The following NRDC variants were observed in gnomAD, a reference collection of about 807,000 sequenced individuals.
The protein encoded by NRDC is nardilysin convertase.
Under a neutral mutation model 147.1 loss-of-function variants are expected in NRDC, and 54 were observed. The observed-to-expected ratio is 0.37, with a 90% CI of 0.29 to 0.46. The LOEUF is 0.46. Ranked by LOEUF, NRDC falls within the 20% of genes least tolerant of loss-of-function variation. The pLI is 1.00. For synonymous variants in NRDC, 440 were observed against 482.1 expected (o/e 0.91, Z 1.14); for missense variants, 1,082 against 1,370.6 (o/e 0.79, Z 3.33).
At position 51,814,599 on chromosome 1, in the gene NRDC, G is replaced by T. The variant is rs1458184917; in HGVS notation, c.1571C>A (p.Thr524Asn). 2 of 1,613,140 alleles carry T rather than the reference G, an allele frequency of 1.2e-6. No individual in the cohort carries two copies. The highest frequency in any genetic ancestry group is 2.2e-5 in the East Asian group (1 of 44,856). Residue 524 changes from threonine (T) to asparagine (N), a missense_variant, in exon 13 of 31, where the codon ACT (threonine) becomes AAT (asparagine). Coordinates refer to ENST00000352171, the MANE Select transcript of NRDC (RefSeq NM_001101662.2). ...GYEHFYEVAY[T>N]VFQYLKMLQK... ...CAGCATTTTTAAATACTGAAAGACA[G>T]TGTAAGCAACCTGAAAACAAAACAT...
chr1:51,865,177 A>T (rs1173516527), intron 1 of NRDC, among the ~76,000 whole-genome samples: 1 of 152,158 alleles, frequency 6.6e-6, no homozygotes, highest in African/African-American at 2.4e-5. Flanking sequence ...TCAAATTTAT[A>T]AAAAGAAAAA....
At chr1:51,815,182 C>CTTTTTTTT (rs869244434) in intron 11 of NRDC, among the ~76,000 whole-genome samples, 6 of 125,542 alleles carry the variant, frequency 4.8e-5, no homozygotes, top group African/African-American at 9.0e-5. Flanking sequence ...ACCTTTTTTT[C>CTTTTTTTT]TTTTTTTTTT....
At chr1:51,823,178 GGTATTCATCA>G (rs1680282671) in intron 7 of NRDC, among the ~76,000 whole-genome samples, 1 of 152,086 alleles carries the variant, frequency 6.6e-6, no homozygotes, top group African/African-American at 2.4e-5. Context: ...CTGCCATAGA[GGTATTCATCA>G]GTATTTTATA....
intron 3 of NRDC, among the ~76,000 whole-genome samples, 175 bp downstream of exon 3, chr1:51,835,956 T>G (rs1238965877): frequency 6.6e-6 from 1 of 152,230 alleles, no homozygotes; most frequent in African/African-American, 2.4e-5. Flanking sequence ...TCAATATAAG[T>G]ACACTCAGAT....
At chr1:51,815,794 A>G (rs1679943645) in intron 11 of NRDC, 1 of 152,188 alleles carries the variant, frequency 6.6e-6, no homozygotes. Flanking sequence ...CTAAAATTGT[A>G]TTTCTATTAT....
At chr1:51,855,322 A>C (rs964483460) in intron 1 of NRDC, among the ~76,000 whole-genome samples, 43 of 152,288 alleles carry the variant, frequency 2.8e-4, no homozygotes, top group African/African-American at 9.6e-4. Flanking sequence ...TACTGCTGCA[A>C]AACCTCAGTG....
intron 1 of NRDC, among the ~76,000 whole-genome samples, chr1:51,877,180 C>G (rs181252474): frequency 7.0e-6 from 1 of 142,566 alleles, no homozygotes; most frequent in Non-Finnish European, 1.6e-5. Flanking sequence ...CAGCAAGACT[C>G]CGTTTCAAAA....
chr1:51,814,398 G>A (rs998174312), intron 13 of NRDC, 153 bp downstream of exon 13: 3 of 676,742 alleles, frequency 4.4e-6, no homozygotes, highest in Non-Finnish European at 7.6e-6. Flanking sequence ...ACAATCACAT[G>A]TAGAGGGATA....
chr1:51,856,885 C>T (rs985517763), intron 1 of NRDC, among the ~76,000 whole-genome samples: 1 of 152,056 alleles, frequency 6.6e-6, no homozygotes, highest in African/African-American at 2.4e-5. Flanking sequence ...ACCTGACACA[C>T]CCAACATTGT....
At chr1:51,791,441 C>A in intron 27 of NRDC, 137 bp downstream of exon 27, 1 of 701,168 alleles carries the variant, frequency 1.4e-6, no homozygotes, top group South Asian at 1.6e-5. Flanking sequence ...TATAACAACC[C>A]CCATCTTCCC....
At chr1:51,814,163 G>C in intron 13 of NRDC, 74 bp from the exon 14 acceptor site, 1 of 911,672 alleles carries the variant, frequency 1.1e-6, no homozygotes, top group Non-Finnish European at 1.8e-6. Flanking sequence ...GCGGGAGGAG[G>C]GAGAGGATCA....
intron 2 of NRDC, among the ~76,000 whole-genome samples, chr1:51,839,487 T>C (rs1182124279): frequency 1.3e-5 from 2 of 152,158 alleles, no homozygotes; most frequent in African/African-American, 4.8e-5. Flanking sequence ...TTTAACTAAC[T>C]TTTGCTGGTC....
chr1:51,875,835 G>A (rs35728568), intron 1 of NRDC, among the ~76,000 whole-genome samples: 37,249 of 151,812 alleles, frequency 0.25, 5,743 homozygotes, highest in Non-Finnish European at 0.34. Context: ...TTACAGGCAT[G>A]AGCCACCACA....
rs8375 is a variant in NRDC at position 51,800,570 on chromosome 1, G to A, written c.2427C>T (p.Pro809=). The A allele has an allele frequency of 0.5, 812,126 of 1,612,516 alleles. 210,959 individuals carry two copies. Among genetic ancestry groups the A allele is most frequent in the East Asian group, 0.85 (38,203 of 44,834 alleles). The change falls in exon 21 of 31, where the codon CCC becomes CCT. Residue 809 remains proline (P), a synonymous_variant. Transcript: ENST00000352171. The part of the protein sequence containing the change: ...KKTYFNILIK[P]ETLAKDVRLL... ...TTTATACCCACTTGGCCAAAGTCTC[G>A]GGCTTGATGAGGATGTTAAAGTAGG... is the stretch of plus-strand genomic sequence containing the variant.
At chr1:51,836,404 C>T (rs1680977073) in intron 2 of NRDC, 192 bp from the exon 3 acceptor site, 2 of 1,613,840 alleles carry the variant, frequency 1.2e-6, no homozygotes, top group East Asian at 4.5e-5. Flanking sequence ...TGCTCCTCCG[C>T]TTGCCATCCT....
intron 22 of NRDC, among the ~76,000 whole-genome samples, chr1:51,796,164 A>G: frequency 6.6e-6 from 1 of 151,888 alleles, no homozygotes; most frequent in Non-Finnish European, 1.5e-5. Flanking sequence ...GACAGGCATA[A>G]GCCACCATGT....
chr1:51,852,465 ATAAC>A (rs1682004313), intron 1 of NRDC, among the ~76,000 whole-genome samples: 1 of 89,500 alleles, frequency 1.1e-5, no homozygotes, highest in East Asian at 3.4e-4. Context: ...TTATATAACT[ATAAC>A]TATATATACA....
chr1:51,874,158 AAAG>A (rs1220467810), intron 1 of NRDC, among the ~76,000 whole-genome samples: 6 of 151,626 alleles, frequency 4.0e-5, no homozygotes, highest in South Asian at 2.1e-4. Context: ...AAAAAAAAAA[AAAG>A]AAGTTTACAT....
intron 1 of NRDC, among the ~76,000 whole-genome samples, chr1:51,853,523 G>A (rs970843420): frequency 6.6e-6 from 1 of 152,166 alleles, no homozygotes; most frequent in South Asian, 2.1e-4. Flanking sequence ...GATGGATGCG[G>A]GTTATTTCTT....
Sources: allele counts gnomAD v4.1 joint callset (sites outside exome capture counted in the v4.1 genomes callset), GRCh38; gene constraint gnomAD v4.1.1; transcripts MANE v1.5; gene names NCBI Gene and HGNC (gene_info 2026-07-23, HGNC 2026-07-21).